Variants in PGK1 observed in about 807,000 individuals in gnomAD.
The protein encoded by PGK1 is PRP 2.
PGK1 carries 3 observed loss-of-function variants against 26.9 expected under a neutral mutation model. That is an observed-to-expected ratio of 0.11 (90% CI 0.05 to 0.29). The LOEUF (loss-of-function observed/expected upper bound fraction) is 0.29, where lower values mean the gene tolerates loss of function less well. PGK1 is among the 10% of genes least tolerant of loss of function. The probability of loss-of-function intolerance (pLI) is 1.00; values close to 1 mark genes in which losing one functional copy is unlikely to be tolerated. For missense variants in PGK1, 270 were observed against 314.7 expected, an observed-to-expected ratio of 0.86 and a Z score of 1.07; for synonymous variants, 125 against 115.3, an observed-to-expected ratio of 1.08 and a Z score of -0.54.
At chrX:78,115,691 T>C (rs1557247394) in intron 4 of PGK1, among the ~76,000 whole-genome samples, 1 of 111,923 alleles carries the variant, frequency 8.9e-6, no homozygotes, top group East Asian at 2.8e-4. Context: ...TATGAGGACA[T>C]AAACATTTTC....
At chrX:78,105,596 T>C (rs1175289021) in intron 1 of PGK1, among the ~76,000 whole-genome samples, 1 of 111,727 alleles carries the variant, frequency 9.0e-6, no homozygotes, top group Non-Finnish European at 1.9e-5. Context: ...ACTCTAACTT[T>C]AAACATATGA....
intron 1 of PGK1, among the ~76,000 whole-genome samples, chrX:78,108,693 T>C (rs1401055143): frequency 8.9e-6 from 1 of 111,864 alleles, no homozygotes; most frequent in Non-Finnish European, 1.9e-5. Flanking sequence ...AGATGGAGGC[T>C]TATAATCAAG....
intron 2 of PGK1, among the ~76,000 whole-genome samples, chrX:78,110,792 C>CA (rs1425277958): frequency 1.8e-5 from 2 of 109,588 alleles, no homozygotes; most frequent in African/African-American, 3.3e-5. Flanking sequence ...TTTTTGCTTC[C>CA]AAAAAAACAA....
rs1011644290 is a variant in PGK1, at chrX:78,123,432, A to G, written c.936+58A>G. The G allele has an allele frequency of 4.5e-6, 4 of 892,661 alleles. No individual in the cohort carries two copies. The African/African-American group carries it at 7.8e-5, about 17-fold the overall frequency. The allele number at this position is 892,661 out of a possible 1,213,427, so 73.6% of individuals were successfully genotyped here. ...GAACAGAAACTCTGTGGTGTCATTT[A>G]TTCATTGATTCAGCCAATCAACAAG... On this transcript the variant is annotated intron_variant, in intron 8 of 10. Transcript: ENST00000373316.
At chrX:78,124,488 T>C (rs1322169308) in intron 8 of PGK1, among the ~76,000 whole-genome samples, 1 of 110,530 alleles carries the variant, frequency 9.0e-6, no homozygotes, top group East Asian at 2.8e-4. Context: ...AATTGTAAGG[T>C]TGTTTAAAGC....
Position 78,117,494 on chromosome X carries a change from T to C in PGK1, c.521+79T>C, listed in dbSNP as rs1603397797. On this transcript the variant is annotated intron_variant, in intron 5 of 10. Coordinates refer to ENST00000373316, the MANE Select transcript of PGK1 (RefSeq NM_000291.4). ...AGTAGCCCAAGCTCTGGGTTGTTTT[T>C]GGAGAGTTTTGTATTATACTGTAAT... 4 of 664,039 alleles carry C rather than the reference T, an allele frequency of 6.0e-6. No homozygotes were observed. In the East Asian group the frequency reaches 1.3e-4, roughly 22 times the overall value. The allele number at this position is 664,039 out of a possible 1,213,427, so 54.7% of individuals were successfully genotyped here. A position where few individuals can be genotyped will look rare whatever the true frequency, so the allele number is the denominator to read the frequency against.
chrX:78,107,637 T>TG (rs2078278188), intron 1 of PGK1, among the ~76,000 whole-genome samples: 1 of 112,246 alleles, frequency 8.9e-6, no homozygotes, highest in Non-Finnish European at 1.9e-5. Context: ...TAACTATCAT[T>TG]GAAGGATATT....
At chrX:78,123,670 A>G (rs782216279) in intron 8 of PGK1, among the ~76,000 whole-genome samples, 2 of 105,074 alleles carry the variant, frequency 1.9e-5, no homozygotes, top group African/African-American at 3.5e-5. Context: ...GTGCAGTGGC[A>G]TGATCTCGGC....
chrX:78,122,887 A>G lies in PGK1; in HGVS notation c.694A>G (p.Asn232Asp). 1.7e-6 allele frequency: 2 copies of G among 1,204,311 alleles called. No individual in the cohort carries two copies. The highest frequency in any genetic ancestry group is 1.8e-5 in the South Asian group (1 of 56,834). ...CATCAATAATATGCTGGACAAAGTC[A>G]ATGAGATGATTATTGGTGGTGGAAT... Reference protein sequence around the residue: ...QLINNMLDKVNEMIIGGGMAF... With the variant: ...QLINNMLDKVDEMIIGGGMAF... The change falls in exon 7 of 11, where the codon AAT becomes GAT. Residue 232 changes from asparagine (N) to aspartate (D), a missense_variant. Transcript: ENST00000373316.
chrX:78,113,809 T>C lies in PGK1; in HGVS notation c.182T>C (p.Met61Thr). The C allele has an allele frequency of 1.7e-6, 2 of 1,208,703 alleles. No individual in the cohort carries two copies. The highest frequency in any genetic ancestry group is 1.8e-5 in the South Asian group (1 of 56,903). ...AATGGAGCCAAGTCGGTAGTCCTTA[T>C]GAGCCACCTAGGCCGGCCTGATGGT... ...LDNGAKSVVL[M>T]SHLGRPDGVP... is the part of the protein sequence containing the mutation. The change falls in exon 3 of 11, where the codon ATG (methionine) becomes ACG (threonine). Residue 61 changes from methionine to threonine, a missense_variant. By Grantham distance (81) the Met-to-Thr change is moderately conservative. Coordinates refer to ENST00000373316, the MANE Select transcript of PGK1 (RefSeq NM_000291.4).
At chrX:78,122,552 G>T (rs1557248145) in intron 6 of PGK1, among the ~76,000 whole-genome samples, 1 of 109,187 alleles carries the variant, frequency 9.2e-6, no homozygotes, top group African/African-American at 3.3e-5. Context: ...TAAATCTGTT[G>T]TCCATCAGCT....
At chrX:78,104,502 G>A in intron 1 of PGK1, 97 bp downstream of exon 1, 1 of 703,659 alleles carries the variant, frequency 1.4e-6, no homozygotes, top group Non-Finnish European at 2.2e-6. Flanking sequence ...AGTTCTTTTA[G>A]CTTTTGGCTG....
intron 1 of PGK1, among the ~76,000 whole-genome samples, chrX:78,107,175 G>A: frequency 9.0e-6 from 1 of 111,446 alleles, no homozygotes; most frequent in Non-Finnish European, 1.9e-5. Flanking sequence ...AGGTTACAAA[G>A]TTAGAGAGGT....
In PGK1 at chrX:78,113,837, G is replaced by T. The variant is rs782224294; in HGVS notation, c.210G>T (p.Val70=). ...GCCACCTAGGCCGGCCTGATGGTGT[G>T]CCCATGCCTGACAAGTACTCCTTAG... The part of the protein sequence containing the change: ...LMSHLGRPDG[V]PMPDKYSLEP... The change falls in exon 3 of 11, where the codon GTG becomes GTT. Residue 70 remains valine, a synonymous_variant. Transcript: ENST00000373316. 8.3e-7 allele frequency: 1 copy of T among 1,210,516 alleles called. No individual in the cohort carries two copies. Among genetic ancestry groups the T allele is most frequent in the South Asian group, 1.8e-5 (1 of 56,962 alleles).
chrX:78,118,047 C>T lies in PGK1; in HGVS notation c.522-4C>T. 1 of 1,205,982 alleles carries T rather than the reference C, an allele frequency of 8.3e-7. No homozygotes were observed. Among genetic ancestry groups the T allele is most frequent in the Middle Eastern group, 3.2e-4 (1 of 3,172 alleles). ...AGAATCTGAATGTCTTTGATCTTTTCTAGCTCCATGGTAGGAGTCAATCTG... is the reference window on the plus strand; with the variant it reads ...AGAATCTGAATGTCTTTGATCTTTTTTAGCTCCATGGTAGGAGTCAATCTG... On this transcript the variant is annotated splice_polypyrimidine_tract_variant and splice_region_variant and intron_variant, in intron 5 of 10. Transcript: ENST00000373316.
intron 4 of PGK1, among the ~76,000 whole-genome samples, chrX:78,116,131 A>G (rs1450248635): frequency 2.8e-5 from 3 of 108,839 alleles, no homozygotes; most frequent in African/African-American, 6.7e-5. Flanking sequence ...AAGTGTTGGG[A>G]TTATAGGTGT....
At chrX:78,120,803 G>A (rs909977129) in intron 6 of PGK1, among the ~76,000 whole-genome samples, 4 of 112,083 alleles carry the variant, frequency 3.6e-5, no homozygotes, top group Admixed American at 2.8e-4. Context: ...TGTCAGGAAT[G>A]TTTTTAAGTT....
chrX:78,105,244 A>G (rs1332601344), intron 1 of PGK1, among the ~76,000 whole-genome samples: 1 of 112,144 alleles, frequency 8.9e-6, no homozygotes, highest in Non-Finnish European at 1.9e-5. Context: ...CTTATCTGCC[A>G]GAATTGTTGG....
intron 1 of PGK1, among the ~76,000 whole-genome samples, chrX:78,105,336 A>G (rs1292092523): frequency 8.9e-6 from 1 of 111,937 alleles, no homozygotes; most frequent in African/African-American, 3.3e-5. Context: ...CAGGAGGATG[A>G]GTCGGTATGT....
Sources: gnomAD v4.1 joint callset for allele counts (sites outside exome capture counted in the v4.1 genomes callset) on GRCh38, gnomAD v4.1.1 for gene constraint, MANE v1.5 for transcripts, NCBI Gene and HGNC (gene_info 2026-07-23, HGNC 2026-07-21) for gene names.